Variants in B3GALT1 observed in about 807,000 individuals in gnomAD.
The protein encoded by B3GALT1 is beta-1,3-galactosyltransferase 1, also known as UDP-Gal:betaGlcNAc beta 1,3-galactosyltransferase, polypeptide 1.
In B3GALT1, 10 loss-of-function variants were observed where a neutral mutation model predicts 23.2. The observed-to-expected ratio is 0.43, with a 90% CI of 0.27 to 0.73. B3GALT1 has a LOEUF of 0.73. B3GALT1 is among the 30% of genes least tolerant of loss of function. The pLI is 0.21. For missense variants in B3GALT1, 299 were observed against 405.4 expected (o/e 0.74, Z 2.25); for synonymous variants, 156 against 141.5 (o/e 1.10, Z -0.73).
chr2:167,303,477 C>G (rs1362658138), intron 1 of B3GALT1, among the ~76,000 whole-genome samples: 1 of 151,980 alleles, frequency 6.6e-6, no homozygotes, highest in Non-Finnish European at 1.5e-5. Context: ...GGGAGAATAC[C>G]TCTGGAAGAG....
At chr2:167,499,269 A>C (rs932667035) in intron 2 of B3GALT1, among the ~76,000 whole-genome samples, 1 of 152,198 alleles carries the variant, frequency 6.6e-6, no homozygotes, top group African/African-American at 2.4e-5. Flanking sequence ...TAAATGAAAC[A>C]AATCTTAAAA....
intron 4 of B3GALT1, among the ~76,000 whole-genome samples, chr2:167,845,461 GACTT>G (rs1689737135): frequency 6.6e-6 from 1 of 152,184 alleles, no homozygotes. Flanking sequence ...TAGTCAGGTA[GACTT>G]ACTTACGGAG....
chr2:167,438,492 T>A (rs768005952), intron 1 of B3GALT1, among the ~76,000 whole-genome samples: 1 of 152,236 alleles, frequency 6.6e-6, no homozygotes, highest in African/African-American at 2.4e-5. Context: ...TAATGTCTTA[T>A]TGGGATTTTT....
chr2:167,370,569 G>T lies in B3GALT1; in HGVS notation c.-511+77235G>T, dbSNP rs113289055. Among the ~76,000 whole-genome samples, 405 of 152,272 alleles carry T rather than the reference G, an allele frequency of 2.7e-3. 2 individuals carry two copies. The highest frequency in any genetic ancestry group is 5.0e-3 in the Non-Finnish European group (342 of 68,024). ...CTGGAGCAATTAGAGTTAAAGGATA[G>T]CTACTTCTGATGGAAAGACATTGAG... On this transcript the variant is annotated intron_variant, in intron 1 of 4. Transcript: ENST00000392690.
intron 2 of B3GALT1, among the ~76,000 whole-genome samples, chr2:167,531,145 T>G (rs149275759): frequency 6.6e-6 from 1 of 152,218 alleles, no homozygotes; most frequent in African/African-American, 2.4e-5. Context: ...ATGGGAACTT[T>G]AAAATATTAA....
intron 2 of B3GALT1, among the ~76,000 whole-genome samples, chr2:167,627,651 G>A (rs2105444402): frequency 1.3e-5 from 2 of 151,794 alleles, no homozygotes; most frequent in East Asian, 3.9e-4. Context: ...CAGGTTTTAT[G>A]TGAACTTATA....
At position 167,362,830 on chromosome 2, in the gene B3GALT1, A is replaced by C. The variant is rs1244975720; in HGVS notation, c.-511+69496A>C. 2.0e-5 allele frequency among the ~76,000 whole-genome samples: 3 copies of C among 152,196 alleles called. No individual in the cohort carries two copies. The East Asian group carries it at 5.8e-4, about 29-fold the overall frequency. On this transcript the variant is annotated intron_variant, in intron 1 of 4. Coordinates refer to ENST00000392690, the MANE Select transcript of B3GALT1 (RefSeq NM_020981.4). ...CATGGTTCTTGCCTGTAAAGAAGGC[A>C]GCATTCACAAAGACTTTTATTTTTA... is the stretch of plus-strand genomic sequence containing the variant.
intron 2 of B3GALT1, among the ~76,000 whole-genome samples, chr2:167,571,302 C>T (rs948055632): frequency 7.9e-5 from 12 of 151,894 alleles, no homozygotes; most frequent in Non-Finnish European, 1.8e-4. Flanking sequence ...GTGGCTCAAA[C>T]GTGCACCTCT....
intron 3 of B3GALT1, among the ~76,000 whole-genome samples, chr2:167,666,557 G>T (rs1014394099): frequency 6.6e-6 from 1 of 151,472 alleles, no homozygotes; most frequent in East Asian, 1.9e-4. Flanking sequence ...GGGTGTTAAA[G>T]TCTCCCATTA....
intron 2 of B3GALT1, among the ~76,000 whole-genome samples, chr2:167,558,573 T>C (rs1369681046): frequency 6.6e-6 from 1 of 152,112 alleles, no homozygotes; most frequent in South Asian, 2.1e-4. Context: ...GGGTGACAGA[T>C]GGCACCTGGA....
chr2:167,369,189 A>G (rs2105268154), intron 1 of B3GALT1, among the ~76,000 whole-genome samples: 1 of 151,952 alleles, frequency 6.6e-6, no homozygotes, highest in Admixed American at 6.6e-5. Flanking sequence ...TGCACATATA[A>G]AATATGTGCA....
intron 3 of B3GALT1, among the ~76,000 whole-genome samples, chr2:167,731,170 T>C (rs979013772): frequency 1.3e-5 from 2 of 152,216 alleles, no homozygotes; most frequent in Non-Finnish European, 2.9e-5. Flanking sequence ...ACTGACTAGC[T>C]GAAATTTGGG....
At chr2:167,619,115 T>C (rs1685213625) in intron 2 of B3GALT1, among the ~76,000 whole-genome samples, 1 of 151,976 alleles carries the variant, frequency 6.6e-6, no homozygotes, top group Non-Finnish European at 1.5e-5. Context: ...GTTGGCATTC[T>C]TCCATTAAAA....
chr2:167,511,881 T>C (rs1488991226), intron 2 of B3GALT1, among the ~76,000 whole-genome samples: 1 of 152,196 alleles, frequency 6.6e-6, no homozygotes, highest in African/African-American at 2.4e-5. Flanking sequence ...TTGTTACTTT[T>C]ACTCTCAAAA....
At chr2:167,422,376 G>A (rs1376425846) in intron 1 of B3GALT1, among the ~76,000 whole-genome samples, 2 of 152,118 alleles carry the variant, frequency 1.3e-5, no homozygotes, top group African/African-American at 4.8e-5. Flanking sequence ...CCAGAACTAT[G>A]AGCAATAAAT....
Position 167,355,965 on chromosome 2 carries a change from C to G in B3GALT1, c.-511+62631C>G, listed in dbSNP as rs1298922339. On this transcript the variant is annotated intron_variant, in intron 1 of 4. Coordinates refer to ENST00000392690, the MANE Select transcript of B3GALT1 (RefSeq NM_020981.4). ...CAATATGGAAGAAAGAGATCAAACC[C>G]TAGTGCTAAAGATGATTCATACAGT... 2.0e-5 allele frequency among the ~76,000 whole-genome samples: 3 copies of G among 152,124 alleles called. No individual in the cohort carries two copies. The East Asian group carries it at 5.8e-4, about 29-fold the overall frequency.
At chr2:167,811,858 A>G (rs192664512) in intron 3 of B3GALT1, among the ~76,000 whole-genome samples, 1 of 152,186 alleles carries the variant, frequency 6.6e-6, no homozygotes, top group East Asian at 1.9e-4. Context: ...TTCCCAGCAC[A>G]TATCAGGTCA....
chr2:167,565,002 A>G (rs1413785224), intron 2 of B3GALT1, among the ~76,000 whole-genome samples: 2 of 152,240 alleles, frequency 1.3e-5, no homozygotes, highest in Non-Finnish European at 2.9e-5. Context: ...ATTGGAAAAA[A>G]CTACTTTAAA....
intron 3 of B3GALT1, among the ~76,000 whole-genome samples, chr2:167,809,372 G>A (rs543525189): frequency 6.6e-6 from 1 of 152,300 alleles, no homozygotes; most frequent in South Asian, 2.1e-4. Flanking sequence ...GATTTTTAGA[G>A]TTTCCAGTTT....
Sources: gnomAD v4.1 joint callset for allele counts (sites outside exome capture counted in the v4.1 genomes callset) on GRCh38, gnomAD v4.1.1 for gene constraint, MANE v1.5 for transcripts, NCBI Gene and HGNC (gene_info 2026-07-23, HGNC 2026-07-21) for gene names.